Variants in LMAN1L observed in about 807,000 individuals in gnomAD.
LMAN1L encodes the protein lectin, mannose binding 1 like.
A neutral mutation model predicts 58.3 loss-of-function variants in LMAN1L; 60 were observed. The ratio of observed to expected loss-of-function variants is 1.03; its 90% CI spans 0.84 to 1.27. The LOEUF is 1.27. Among genes scored for constraint, LMAN1L ranks in the 50% most tolerant of loss-of-function variants. The pLI is 0.00. For synonymous variants in LMAN1L, 280 were observed against 271.6 expected (o/e 1.03, Z -0.31); for missense variants, 629 against 674.0 (o/e 0.93, Z 0.74).
intron 7 of LMAN1L, 111 bp from the exon 8 acceptor site, chr15:74,820,524 C>T: frequency 1.4e-6 from 2 of 1,408,478 alleles, no homozygotes; most frequent in South Asian, 2.3e-5. Context: ...AACTGCAGGG[C>T]CAGCTGGCCA....
chr15:74,821,909 C>G lies in LMAN1L; in HGVS notation c.1131+9C>G, dbSNP rs375342698. ...CCATGTCACTCAATAAGGTAGGGACCCAAACACTGGGTGTTGACCAGCACT... is the reference window on the plus strand; with the variant it reads ...CCATGTCACTCAATAAGGTAGGGACGCAAACACTGGGTGTTGACCAGCACT... On this transcript the variant is annotated intron_variant, in intron 10 of 13. Transcript: ENST00000309664. 2.5e-6 allele frequency: 4 copies of G among 1,591,478 alleles called. No individual in the cohort carries two copies. Among genetic ancestry groups the G allele is most frequent in the African/African-American group, 1.3e-5 (1 of 74,440 alleles).
chr15:74,815,197 C>T (rs913046051), intron 1 of LMAN1L, among the ~76,000 whole-genome samples: 2 of 152,222 alleles, frequency 1.3e-5, no homozygotes, highest in African/African-American at 4.8e-5. Context: ...GCAAGGATTT[C>T]AGAGGCAGTG....
Position 74,816,662 on chromosome 15 carries a change from G to T in LMAN1L, c.469G>T (p.Asp157Tyr). The T allele has an allele frequency of 6.2e-7, 1 of 1,613,862 alleles. No individual in the cohort carries two copies. The highest frequency in any genetic ancestry group is 1.3e-5 in the African/African-American group (1 of 75,010). The change falls in exon 4 of 14, where the codon GAC becomes TAC. Residue 157 changes from aspartate (D) to tyrosine (Y), a missense_variant. This residue lies in a region of LMAN1L where 573 missense variants were observed against 597.3 expected (regional missense o/e 0.96). Coordinates refer to ENST00000309664, the MANE Select transcript of LMAN1L (RefSeq NM_021819.3). ...TCCTGCCATCCGTGTGCTGGCCAGCGACGGGCACATCCCCTCTGAGCAGCC... is the reference window on the plus strand; with the variant it reads ...TCCTGCCATCCGTGTGCTGGCCAGCTACGGGCACATCCCCTCTGAGCAGCC... ...DSPAIRVLAS[D>Y]GHIPSEQPGD...
chr15:74,821,627 C>T (rs1341966913), intron 9 of LMAN1L, among the ~76,000 whole-genome samples: 1 of 152,232 alleles, frequency 6.6e-6, no homozygotes, highest in Non-Finnish European at 1.5e-5. Context: ...GGGTCATGCC[C>T]AGCCTGGGGG....
intron 1 of LMAN1L, among the ~76,000 whole-genome samples, chr15:74,815,568 T>G (rs2063887033): frequency 6.6e-6 from 1 of 152,220 alleles, no homozygotes; most frequent in Admixed American, 6.5e-5. Flanking sequence ...CACCTTCACA[T>G]CTTTGCTTTC....
chr15:74,821,991 C>T (rs2063918901), intron 10 of LMAN1L, 91 bp downstream of exon 10: 5 of 839,832 alleles, frequency 6.0e-6, no homozygotes, highest in Admixed American at 4.3e-5. Context: ...TGGGCTGGGC[C>T]TCTGCTTCCT....
Position 74,819,291 on chromosome 15 carries a change from AG to A in LMAN1L, c.718+21del. On this transcript the variant is annotated intron_variant, in intron 6 of 13. Transcript: ENST00000309664. ...CTGGCAGGTGAGGATCCCACTGGAC[AG>A]GTAAGAGCAGAAGGGCAGTGATGAA... 6.2e-7 allele frequency: 1 copy of A among 1,612,868 alleles called. No homozygotes were observed. Among genetic ancestry groups the A allele is most frequent in the Non-Finnish European group, 8.5e-7 (1 of 1,179,356 alleles).
chr15:74,824,537 T>C, intron 13 of LMAN1L, 59 bp downstream of exon 13: 1 of 1,597,892 alleles, frequency 6.3e-7, no homozygotes, highest in Non-Finnish European at 8.6e-7. Flanking sequence ...TTCTCAGCTA[T>C]AACCATTGGA....
At chr15:74,821,475 T>A (rs1297970806) in intron 9 of LMAN1L, among the ~76,000 whole-genome samples, 1 of 152,210 alleles carries the variant, frequency 6.6e-6, no homozygotes, top group African/African-American at 2.4e-5. Context: ...GCTCTGTAGA[T>A]GAATGACAGA....
intron 1 of LMAN1L, 35 bp downstream of exon 1, chr15:74,813,064 G>T: frequency 1.9e-6 from 3 of 1,588,622 alleles, no homozygotes; most frequent in Middle Eastern, 1.7e-4. Context: ...CTATGCCCAG[G>T]GTCCCTCAAA....
Position 74,816,673 on chromosome 15 carries a change from C to T in LMAN1L, c.480C>T (p.Ile160=). ...AIRVLASDGH[I]PSEQPGDGAS... is the part of the protein sequence containing the mutation. ...GTGTGCTGGCCAGCGACGGGCACATCCCCTCTGAGCAGCCTGGGTAAGGGC... is the reference window on the plus strand; with the variant it reads ...GTGTGCTGGCCAGCGACGGGCACATTCCCTCTGAGCAGCCTGGGTAAGGGC... Residue 160 remains isoleucine, a synonymous_variant, in exon 4 of 14, where the codon ATC becomes ATT. Coordinates refer to ENST00000309664, the MANE Select transcript of LMAN1L (RefSeq NM_021819.3). 6.2e-7 allele frequency: 1 copy of T among 1,613,922 alleles called. No individual in the cohort carries two copies. Among genetic ancestry groups the T allele is most frequent in the Non-Finnish European group, 8.5e-7 (1 of 1,179,892 alleles).
rs748905874 is a variant in LMAN1L at position 74,820,691 on chromosome 15, A to C, written c.831A>C (p.Glu277Asp). 1.9e-6 allele frequency: 3 copies of C among 1,613,924 alleles called. No homozygotes were observed. The highest frequency in any genetic ancestry group is 2.5e-6 in the Non-Finnish European group (3 of 1,179,972). The stretch of plus-strand genomic sequence containing the variant: ...AGCTCCGCCTGGCGAGGCAGCTGGA[A>C]GGGCTGTGGGCAAGGCTGGGCTTGG... ...MQQLRLARQL[E>D]GLWARLGLGT... Residue 277 changes from glutamate to aspartate, a missense_variant, in exon 8 of 14, where the codon GAA becomes GAC. This residue lies in a region of LMAN1L where 573 missense variants were observed against 597.3 expected (regional missense o/e 0.96). Coordinates refer to ENST00000309664, the MANE Select transcript of LMAN1L (RefSeq NM_021819.3).
At chr15:74,819,307 G>C (rs1453371008) in intron 6 of LMAN1L, 35 bp downstream of exon 6, 1 of 1,607,490 alleles carries the variant, frequency 6.2e-7, no homozygotes, top group South Asian at 1.1e-5. Context: ...GAGCAGAAGG[G>C]CAGTGATGAA....
At chr15:74,819,882 A>G (rs893469566) in intron 6 of LMAN1L, 162 bp from the exon 7 acceptor site, 3 of 693,696 alleles carry the variant, frequency 4.3e-6, no homozygotes, top group Non-Finnish European at 2.6e-6. Flanking sequence ...CTACCTGTCA[A>G]CCCTCACACC....
chr15:74,818,156 G>A lies in LMAN1L; in HGVS notation c.498-562G>A, dbSNP rs530299660. On this transcript the variant is annotated intron_variant, in intron 4 of 13. Transcript: ENST00000309664. Reference sequence around the variant, plus strand: ...CCCCTTAAGGAAGGGCCACAGGGAGGCCCCTGGCCCCTTCTGTAAATCCAA... The same window carrying A: ...CCCCTTAAGGAAGGGCCACAGGGAGACCCCTGGCCCCTTCTGTAAATCCAA... Among the ~76,000 whole-genome samples, 6 of 152,290 alleles carry A rather than the reference G, an allele frequency of 3.9e-5. No individual in the cohort carries two copies. In the East Asian group the frequency reaches 1.2e-3, roughly 29 times the overall value.
intron 12 of LMAN1L, 91 bp downstream of exon 12, chr15:74,823,773 C>G: frequency 6.7e-7 from 1 of 1,501,552 alleles, no homozygotes; most frequent in East Asian, 2.3e-5. Context: ...GCCCCAAGCC[C>G]TCCTGCCTTT....
chr15:74,814,395 A>C (rs1402709513), intron 1 of LMAN1L, among the ~76,000 whole-genome samples: 1 of 70,792 alleles, frequency 1.4e-5, no homozygotes, highest in Non-Finnish European at 3.1e-5. Flanking sequence ...TTTTTTTGAG[A>C]CGGAGTCTCG....
intron 1 of LMAN1L, chr15:74,813,415 C>G: frequency 2.2e-6 from 1 of 461,388 alleles, no homozygotes; most frequent in South Asian, 1.5e-5. Context: ...CCGGCTCCAT[C>G]CCAGCGGGCC....
chr15:74,823,104 C>T (rs2063924452), intron 11 of LMAN1L, among the ~76,000 whole-genome samples: 1 of 152,140 alleles, frequency 6.6e-6, no homozygotes, highest in Non-Finnish European at 1.5e-5. Flanking sequence ...GTTTTGTGCC[C>T]CCATTAACTT....
Sources: allele counts gnomAD v4.1 joint callset (sites outside exome capture counted in the v4.1 genomes callset), GRCh38; gene constraint gnomAD v4.1.1; regional missense constraint gnomAD v4.1.1; transcripts MANE v1.5; gene names NCBI Gene and HGNC (gene_info 2026-07-23, HGNC 2026-07-21).